Variants in PVT1 observed in about 807,000 individuals in gnomAD.
PVT1 encodes CXCR4/PVT1 fusion.
chr8:127,866,923 TGAG>T (rs1815291975), intron 2 of PVT1, among the ~76,000 whole-genome samples: 1 of 152,168 alleles, frequency 6.6e-6, no homozygotes, highest in African/African-American at 2.4e-5. Flanking sequence ...CTTGTGCCTG[TGAG>T]GAGTTTGCAC....
chr8:128,008,844 C>T, intron 4 of PVT1: 1 of 466,878 alleles, frequency 2.1e-6, no homozygotes. Flanking sequence ...AAAACACAGC[C>T]AGGTCCATCT....
At chr8:127,831,119 ATATATC>A (rs989201184) in intron 2 of PVT1, among the ~76,000 whole-genome samples, 3 of 145,586 alleles carry the variant, frequency 2.1e-5, no homozygotes, top group South Asian at 2.3e-4. Context: ...GTGTGTATGT[ATATATC>A]TATATCTATA....
intron 3 of PVT1, among the ~76,000 whole-genome samples, chr8:127,959,676 C>T (rs1816615556): frequency 6.7e-6 from 1 of 149,604 alleles, no homozygotes; most frequent in South Asian, 2.1e-4. Context: ...AGGCAGGAAA[C>T]AGACATCTTT....
At position 127,959,702 on chromosome 8, in the gene PVT1, G is replaced by A. The variant is rs550178711; in HGVS notation, n.783-29460G>A. Among the ~76,000 whole-genome samples the A allele has an allele frequency of 7.3e-4, 111 of 152,014 alleles. 1 individual carries two copies. The highest frequency in any genetic ancestry group is 2.6e-3 in the African/African-American group (106 of 41,500). ...AGACATCTTTAATGGGCCAGAGGCT[G>A]ATTTAGGCTGTTCAGACATTGTTAA... On this transcript the variant is annotated intron_variant and non_coding_transcript_variant, in intron 3 of 10. Transcript: ENST00000651587.
chr8:127,941,151 C>G (rs1278504478), intron 3 of PVT1, among the ~76,000 whole-genome samples: 3 of 152,218 alleles, frequency 2.0e-5, no homozygotes, highest in Non-Finnish European at 4.4e-5. Flanking sequence ...ATTTTCAAGT[C>G]CAGCAATGGT....
At chr8:128,008,095 A>G (rs764758276) in intron 4 of PVT1, among the ~76,000 whole-genome samples, 3 of 152,212 alleles carry the variant, frequency 2.0e-5, no homozygotes, top group Non-Finnish European at 4.4e-5. Flanking sequence ...CCATGTGACA[A>G]TCGTTGCATT....
At position 127,796,121 on chromosome 8, in the gene PVT1, G is replaced by T. The variant is rs1475072483; in HGVS notation, n.372+50G>T. 1.8e-5 allele frequency: 3 copies of T among 169,782 alleles called. No individual in the cohort carries two copies. In the East Asian group the frequency reaches 5.8e-4, roughly 33 times the overall value. 10.5% of individuals were successfully genotyped at this position (169,782 alleles called of 1,614,324 possible). On this transcript the variant is annotated intron_variant and non_coding_transcript_variant, in intron 2 of 10. Coordinates refer to ENST00000651587, the Ensembl canonical transcript of PVT1. Reference sequence around the variant, plus strand: ...ACCCATTGAATTCCCAGAGGGATTTGTTAAGTGGTTGTGTTGCTGTTTTGC... The same window carrying T: ...ACCCATTGAATTCCCAGAGGGATTTTTTAAGTGGTTGTGTTGCTGTTTTGC...
chr8:127,879,916 C>G (rs1815446236), intron 2 of PVT1, among the ~76,000 whole-genome samples: 1 of 152,240 alleles, frequency 6.6e-6, no homozygotes, highest in Non-Finnish European at 1.5e-5. Context: ...CAGGTCTTCG[C>G]TGGGTGATCT....
chr8:128,077,903 TG>T (rs1326708095), intron 5 of PVT1, among the ~76,000 whole-genome samples: 1 of 152,156 alleles, frequency 6.6e-6, no homozygotes, highest in Non-Finnish European at 1.5e-5. Flanking sequence ...AAATGCTTGG[TG>T]GTGTGGGGTT....
intron 5 of PVT1, among the ~76,000 whole-genome samples, chr8:128,080,036 GTCCCTCCATGTCT>G (rs2130150218): frequency 6.6e-6 from 1 of 152,236 alleles, no homozygotes; most frequent in East Asian, 1.9e-4. Flanking sequence ...TGCATTTAAG[GTCCCTCCATGTCT>G]TTTCATAGCT....
rs148610452 is a variant in PVT1, at chr8:128,080,892, T to A, written n.1114+10531T>A. Among the ~76,000 whole-genome samples the A allele has an allele frequency of 2.5e-3, 384 of 152,330 alleles. 1 individual carries two copies. The highest frequency in any genetic ancestry group is 8.2e-3 in the African/African-American group (340 of 41,564). Reference sequence around the variant, plus strand: ...ATTTTGAGGTAATTTTTGTGAAGGGTTTAAGATCTATATTTAGATTCTTTT... The same window carrying A: ...ATTTTGAGGTAATTTTTGTGAAGGGATTAAGATCTATATTTAGATTCTTTT... On this transcript the variant is annotated intron_variant and non_coding_transcript_variant, in intron 5 of 10. Transcript: ENST00000651587.
chr8:127,798,961 C>T (rs1814431075), intron 2 of PVT1, among the ~76,000 whole-genome samples: 1 of 152,022 alleles, frequency 6.6e-6, no homozygotes, highest in African/African-American at 2.4e-5. Flanking sequence ...GATTTTGTGA[C>T]CAAAACTAGG....
chr8:127,908,251 G>A (rs561165344), intron 3 of PVT1, among the ~76,000 whole-genome samples: 5 of 152,038 alleles, frequency 3.3e-5, no homozygotes, highest in South Asian at 4.2e-4. Context: ...TTGGTCGGCC[G>A]TGAGGAGGGT....
At chr8:128,095,322 C>T (rs1814413794) in intron 5 of PVT1, among the ~76,000 whole-genome samples, 1 of 152,146 alleles carries the variant, frequency 6.6e-6, no homozygotes, top group Non-Finnish European at 1.5e-5. Flanking sequence ...CAGGGTTCTC[C>T]ACCACGTAAG....
At chr8:127,822,470 G>A (rs548792932) in intron 2 of PVT1, among the ~76,000 whole-genome samples, 5 of 152,294 alleles carry the variant, frequency 3.3e-5, no homozygotes, top group East Asian at 1.9e-4. Context: ...CCAGCTACTC[G>A]GGAGACTGAG....
intron 3 of PVT1, among the ~76,000 whole-genome samples, chr8:127,905,026 C>T (rs1306639749): frequency 1.3e-5 from 2 of 152,212 alleles, no homozygotes; most frequent in Non-Finnish European, 2.9e-5. Flanking sequence ...TTTTGTGTGT[C>T]TGCAGAGCTC....
In PVT1 at chr8:127,983,071, A is replaced by G. The variant is rs182516966; in HGVS notation, n.783-6091A>G. On this transcript the variant is annotated intron_variant and non_coding_transcript_variant, in intron 3 of 10. Coordinates refer to ENST00000651587, the Ensembl canonical transcript of PVT1. Reference sequence around the variant, plus strand: ...ACAGTGCGTGGGGCCTCGGCTTCAGAGGAAGGGCTGATCTTGGGGCTGGCT... The same window carrying G: ...ACAGTGCGTGGGGCCTCGGCTTCAGGGGAAGGGCTGATCTTGGGGCTGGCT... Among the ~76,000 whole-genome samples the G allele has an allele frequency of 1.7e-3, 253 of 152,180 alleles. 1 individual carries two copies. The highest frequency in any genetic ancestry group is 5.7e-3 in the African/African-American group (237 of 41,514).
chr8:127,933,355 G>A (rs1165769558), intron 3 of PVT1, among the ~76,000 whole-genome samples: 1 of 152,194 alleles, frequency 6.6e-6, no homozygotes, highest in Non-Finnish European at 1.5e-5. Flanking sequence ...GGTTACAGGC[G>A]CGAGCCATTG....
chr8:128,069,082 C>T (rs1462388654), intron 4 of PVT1, among the ~76,000 whole-genome samples: 2 of 152,196 alleles, frequency 1.3e-5, no homozygotes, highest in Non-Finnish European at 2.9e-5. Context: ...TCTGAAGGGT[C>T]ATCATGGAGA....
Sources: allele counts gnomAD v4.1 joint callset (sites outside exome capture counted in the v4.1 genomes callset), GRCh38; gene constraint gnomAD v4.1.1; transcripts MANE v1.5; gene names NCBI Gene and HGNC (gene_info 2026-07-23, HGNC 2026-07-21).